Variants in MYBL2 observed in about 807,000 individuals in gnomAD.
MYBL2 encodes MYB proto-oncogene like 2, also known as myb-related protein B.
Under a neutral mutation model 79.9 loss-of-function variants are expected in MYBL2, and 28 were observed. The ratio of observed to expected loss-of-function variants is 0.35; its 90% confidence interval spans 0.26 to 0.48. The LOEUF (loss-of-function observed/expected upper bound fraction) is 0.48, where lower values mean the gene tolerates loss of function less well. MYBL2 is among the 20% of genes least tolerant of loss of function. The pLI is 0.99. For synonymous variants in MYBL2, 378 were observed against 361.2 expected (o/e 1.05, Z -0.53); for missense variants, 735 against 893.9 (o/e 0.82, Z 2.27).
chr20:43,697,683 C>G (rs992179809), intron 6 of MYBL2, among the ~76,000 whole-genome samples: 3 of 152,116 alleles, frequency 2.0e-5, no homozygotes, highest in African/African-American at 7.2e-5. Flanking sequence ...GCAGGCGGAT[C>G]ACGAGGTCAG....
chr20:43,700,075 A>T, intron 7 of MYBL2, 31 bp downstream of exon 7: 1 of 1,602,526 alleles, frequency 6.2e-7, no homozygotes, highest in Non-Finnish European at 8.5e-7. Context: ...CACAGTGAGC[A>T]CAGAACACCC....
chr20:43,691,872 T>C (rs1171733165), intron 5 of MYBL2, among the ~76,000 whole-genome samples: 1 of 151,988 alleles, frequency 6.6e-6, no homozygotes, highest in Non-Finnish European at 1.5e-5. Context: ...AAAAAAAATT[T>C]TGTTTTTTAC....
rs983551202 is a variant in MYBL2 at position 43,716,291 on chromosome 20, A to T, written c.*204A>T. On this transcript the variant is annotated 3_prime_UTR_variant, in exon 14 of 14. Coordinates refer to ENST00000217026, the MANE Select transcript of MYBL2 (RefSeq NM_002466.4). ...CTGTGGGCGGCTCCTGGTGCTAACA[A>T]CAAAGTTCCACTTCCAGGTCTGCCT... is the stretch of plus-strand genomic sequence containing the variant. The T allele has an allele frequency of 8.7e-6, 6 of 692,352 alleles. No homozygotes were observed. Among genetic ancestry groups the T allele is most frequent in the African/African-American group, 1.9e-5 (1 of 53,904 alleles). The allele number at this position is 692,352 out of a possible 1,614,324, so 42.9% of individuals were successfully genotyped here. A position where few individuals can be genotyped will look rare whatever the true frequency, so the allele number is the denominator to read the frequency against.
intron 7 of MYBL2, among the ~76,000 whole-genome samples, chr20:43,700,894 C>T (rs1025255214): frequency 1.3e-5 from 2 of 152,160 alleles, no homozygotes; most frequent in African/African-American, 2.4e-5. Flanking sequence ...GCTTGGCAGG[C>T]ACAGCTCGCT....
intron 1 of MYBL2, among the ~76,000 whole-genome samples, chr20:43,673,351 G>A (rs1403317636): frequency 1.3e-5 from 2 of 151,756 alleles, no homozygotes; most frequent in Non-Finnish European, 2.9e-5. Context: ...TTAAAAAGAG[G>A]TGAGGTCGGG....
At chr20:43,695,709 G>C (rs181848669) in intron 6 of MYBL2, among the ~76,000 whole-genome samples, 1 of 150,156 alleles carries the variant, frequency 6.7e-6, no homozygotes, top group Non-Finnish European at 1.5e-5. Flanking sequence ...AAGCTGGTGC[G>C]GTGGCACACA....
chr20:43,713,178 T>C (rs2145736747), intron 12 of MYBL2, 72 bp downstream of exon 12: 1 of 1,069,994 alleles, frequency 9.3e-7, no homozygotes, highest in East Asian at 5.3e-5. Context: ...GTAGTGACTC[T>C]CCAACTGGGC....
chr20:43,692,019 C>A, intron 5 of MYBL2, 138 bp from the exon 6 acceptor site: 1 of 727,958 alleles, frequency 1.4e-6, no homozygotes, highest in Non-Finnish European at 2.3e-6. Flanking sequence ...CATCTTGGAA[C>A]TGAAAGAGAC....
At chr20:43,697,569 C>T (rs575564569) in intron 6 of MYBL2, among the ~76,000 whole-genome samples, 1 of 151,644 alleles carries the variant, frequency 6.6e-6, no homozygotes, top group South Asian at 2.1e-4. Context: ...TGAGAGTGTG[C>T]CTCTGCACGC....
chr20:43,712,456 C>G (rs1371328730), intron 11 of MYBL2, among the ~76,000 whole-genome samples: 1 of 152,124 alleles, frequency 6.6e-6, no homozygotes, highest in African/African-American at 2.4e-5. Flanking sequence ...ATGGCAGCCC[C>G]TGCTGAGTGC....
At chr20:43,702,420 C>T in intron 7 of MYBL2, 70 bp from the exon 8 acceptor site, 1 of 1,465,300 alleles carries the variant, frequency 6.8e-7, no homozygotes, top group Non-Finnish European at 9.3e-7. Flanking sequence ...TTAAATATTT[C>T]CCGTAATGAA....
At chr20:43,681,442 GT>G (rs374289105) in intron 2 of MYBL2, among the ~76,000 whole-genome samples, 6 of 152,310 alleles carry the variant, frequency 3.9e-5, no homozygotes, top group African/African-American at 7.2e-5. Flanking sequence ...TCTTGGATCT[GT>G]TTTGCTTCCT....
At chr20:43,680,692 G>C (rs770318180) in intron 2 of MYBL2, among the ~76,000 whole-genome samples, 7 of 151,584 alleles carry the variant, frequency 4.6e-5, no homozygotes, top group Non-Finnish European at 1.0e-4. Context: ...ATGGGGTTTC[G>C]CCATATTGGC....
Position 43,700,023 on chromosome 20 carries a change from A to G in MYBL2, c.930A>G (p.Glu310=). ...LIPAVGSSLS[E]ALDLIESDPD... The stretch of plus-strand genomic sequence containing the variant: ...CTGCTGTGGGTTCTAGCCTCTCTGA[A>G]GCCCTGGACTTGATCGAGTCGGTAT... The change falls in exon 7 of 14, where the codon GAA becomes GAG. Residue 310 remains glutamate (E), a synonymous_variant. Transcript: ENST00000217026. The G allele has an allele frequency of 6.2e-7, 1 of 1,613,960 alleles. No individual in the cohort carries two copies. Among genetic ancestry groups the G allele is most frequent in the Non-Finnish European group, 8.5e-7 (1 of 1,179,992 alleles).
chr20:43,694,855 G>A (rs1361266644), intron 6 of MYBL2, among the ~76,000 whole-genome samples: 5 of 152,118 alleles, frequency 3.3e-5, no homozygotes, highest in Admixed American at 6.6e-5. Context: ...GGCATCAGCC[G>A]ACTCATAGAA....
At chr20:43,678,998 C>T (rs962025346) in intron 2 of MYBL2, among the ~76,000 whole-genome samples, 2 of 151,728 alleles carry the variant, frequency 1.3e-5, no homozygotes, top group Admixed American at 6.6e-5. Flanking sequence ...GAGCTGACCA[C>T]GTTGGGGAGT....
chr20:43,702,996 T>TGCCCTC, intron 8 of MYBL2, 93 bp downstream of exon 8: 1 of 1,353,596 alleles, frequency 7.4e-7, no homozygotes, highest in South Asian at 1.4e-5. Flanking sequence ...GACCTGGCTC[T>TGCCCTC]GCCCTCATGC....
chr20:43,675,947 C>G (rs1447756981), intron 2 of MYBL2, among the ~76,000 whole-genome samples: 1 of 148,930 alleles, frequency 6.7e-6, no homozygotes, highest in Non-Finnish European at 1.5e-5. Context: ...CTCTGTTGCC[C>G]AGGCTGTAGT....
intron 8 of MYBL2, among the ~76,000 whole-genome samples, chr20:43,703,778 C>T (rs1043104123): frequency 3.3e-5 from 5 of 152,032 alleles, no homozygotes; most frequent in Non-Finnish European, 7.4e-5. Context: ...TTGAGAGAGA[C>T]CCTGTGTCGG....
Sources: allele counts gnomAD v4.1 joint callset (sites outside exome capture counted in the v4.1 genomes callset), GRCh38; gene constraint gnomAD v4.1.1; transcripts MANE v1.5; gene names NCBI Gene and HGNC (gene_info 2026-07-23, HGNC 2026-07-21).